The following GART variants were observed in gnomAD, a reference collection of about 807,000 sequenced individuals.
GART encodes phosphoribosylglycinamide formyltransferase, phosphoribosylglycinamide synthetase, phosphoribosylaminoimidazole synthetase, also known as trifunctional purine biosynthetic protein adenosine-3.
GART carries 43 observed loss-of-function variants against 107.2 expected under a neutral mutation model. The observed-to-expected ratio is 0.40, with a 90% confidence interval of 0.31 to 0.52. The LOEUF is 0.52. Among genes scored for constraint, GART ranks in the 20% least tolerant of loss-of-function variants. GART has a pLI of 0.52. For synonymous variants in GART, 434 were observed against 427.0 expected (o/e 1.02, Z -0.20); for missense variants, 1,107 against 1,206.5 (o/e 0.92, Z 1.22).
intron 7 of GART, 42 bp downstream of exon 7, chr21:33,530,717 A>C (rs991512031): frequency 2.9e-6 from 4 of 1,361,966 alleles, no homozygotes; most frequent in Non-Finnish European, 3.8e-6. Flanking sequence ...CTCTGAGAAA[A>C]CCAAACTACT....
chr21:33,525,115 G>C lies in GART; in HGVS notation c.1067-115C>G, dbSNP rs112038292. On this transcript the variant is annotated intron_variant, in intron 10 of 21. Transcript: ENST00000381815. ...TTTTTTTTTTAACTTGGCTAGGTGC[G>C]GTGGCTCATGCTTATAATTCCAGCA... The C allele has an allele frequency of 8.4e-6, 12 of 1,431,498 alleles. No individual in the cohort carries two copies. In the African/African-American group the frequency reaches 8.7e-5, roughly 10 times the overall value. 88.7% of individuals were successfully genotyped at this position (1,431,498 alleles called of 1,614,324 possible).
At chr21:33,526,122 G>A (rs912850737) in intron 10 of GART, among the ~76,000 whole-genome samples, 3 of 151,710 alleles carry the variant, frequency 2.0e-5, no homozygotes, top group Non-Finnish European at 4.4e-5. Context: ...GCCTGCCTGG[G>A]CCTCCCAAAG....
chr21:33,536,399 C>T (rs1019638670), intron 2 of GART, among the ~76,000 whole-genome samples: 3 of 152,158 alleles, frequency 2.0e-5, no homozygotes, highest in South Asian at 2.1e-4. Context: ...GACCACCATT[C>T]GTTAAGTCAG....
intron 4 of GART, among the ~76,000 whole-genome samples, chr21:33,533,280 A>T (rs2085231044): frequency 6.6e-6 from 1 of 151,774 alleles, no homozygotes; most frequent in Non-Finnish European, 1.5e-5. Flanking sequence ...TCTTCTAAAA[A>T]TACAAAAAAT....
Position 33,539,160 on chromosome 21 carries a change from A to G in GART, c.145+11T>C. 1 of 1,609,142 alleles carries G rather than the reference A, an allele frequency of 6.2e-7. No homozygotes were observed. The highest frequency in any genetic ancestry group is 8.5e-7 in the Non-Finnish European group (1 of 1,178,128). ...TAATAACTATTACTCCCCACTTTAA[A>G]ACATGATTACCGGTATTTGAAATCT... On this transcript the variant is annotated intron_variant, in intron 2 of 21. Transcript: ENST00000381815.
chr21:33,533,572 C>G (rs1472674205), intron 4 of GART, among the ~76,000 whole-genome samples: 1 of 151,830 alleles, frequency 6.6e-6, no homozygotes, highest in Non-Finnish European at 1.5e-5. Flanking sequence ...CAAAAAAAAT[C>G]AATGTTCTTT....
At chr21:33,541,133 GA>G (rs2085408130) in intron 1 of GART, among the ~76,000 whole-genome samples, 1 of 152,094 alleles carries the variant, frequency 6.6e-6, no homozygotes, top group African/African-American at 2.4e-5. Context: ...GAAATAAACA[GA>G]TTTTTTATTT....
chr21:33,531,350 A>T lies in GART; in HGVS notation c.597+139T>A, dbSNP rs141879376. ...TTTCATTTGCACCCCCAACAATAAA[A>T]GTATACAAATTCCTTTGTAACTGCT... On this transcript the variant is annotated intron_variant, in intron 6 of 21. Coordinates refer to ENST00000381815, the MANE Select transcript of GART (RefSeq NM_000819.5). 3.9e-5 allele frequency: 29 copies of T among 744,990 alleles called. No homozygotes were observed. The East Asian group carries it at 7.0e-4, about 18-fold the overall frequency. 46.1% of individuals were successfully genotyped at this position (744,990 alleles called of 1,614,324 possible).
intron 14 of GART, among the ~76,000 whole-genome samples, chr21:33,517,960 C>A (rs568720216): frequency 6.6e-6 from 1 of 152,148 alleles, no homozygotes; most frequent in Non-Finnish European, 1.5e-5. Flanking sequence ...ATAATCAGTC[C>A]ATTTTTCAGG....
At chr21:33,538,560 AC>A in intron 2 of GART, among the ~76,000 whole-genome samples, 1 of 152,236 alleles carries the variant, frequency 6.6e-6, no homozygotes, top group South Asian at 2.1e-4. Flanking sequence ...GCAATACTAA[AC>A]TTTCCATTTA....
intron 17 of GART, chr21:33,510,328 T>A (rs988978119): frequency 1.3e-5 from 2 of 155,022 alleles, no homozygotes; most frequent in African/African-American, 4.8e-5. Context: ...AAAAAGAGGG[T>A]CTCTCTTTTT....
chr21:33,518,807 A>T (rs1293747996), intron 14 of GART: 12 of 519,090 alleles, frequency 2.3e-5, no homozygotes, highest in Non-Finnish European at 4.5e-5. Context: ...CGGTCTCCTT[A>T]AACTAGTCAG....
chr21:33,517,757 G>A (rs1569018359), intron 14 of GART, 149 bp from the exon 15 acceptor site: 2 of 807,980 alleles, frequency 2.5e-6, no homozygotes, highest in African/African-American at 3.5e-5. Flanking sequence ...CTGTCTAACA[G>A]AACTTTCCAC....
chr21:33,538,299 AC>A (rs1423250058), intron 2 of GART, among the ~76,000 whole-genome samples: 1 of 151,844 alleles, frequency 6.6e-6, no homozygotes, highest in African/African-American at 2.4e-5. Context: ...TATTAGAGTA[AC>A]AACTGTTAAA....
rs754502637 is a variant in GART at position 33,534,656 on chromosome 21, A to G, written c.339T>C (p.Phe113=). The part of the protein sequence containing the change: ...LESSKRFAKE[F]MDRHGIPTAQ... ...CGGTTGGGATTCCATGTCTGTCCAT[A>G]AACTCTTTGGCAAACCTTTTGCTGG... The change falls in exon 4 of 22, where the codon TTT becomes TTC. Residue 113 remains phenylalanine (F), a synonymous_variant. Transcript: ENST00000381815. 1 of 1,614,098 alleles carries G rather than the reference A, an allele frequency of 6.2e-7. No homozygotes were observed. Among genetic ancestry groups the G allele is most frequent in the South Asian group, 1.1e-5 (1 of 91,070 alleles).
intron 16 of GART, 72 bp downstream of exon 16, chr21:33,516,917 C>G (rs895603756): frequency 7.6e-7 from 1 of 1,322,564 alleles, no homozygotes. Context: ...ATTAACTACC[C>G]ATAGTTTTCT....
intron 11 of GART, chr21:33,523,874 G>T: frequency 2.9e-6 from 1 of 343,678 alleles, no homozygotes; most frequent in Non-Finnish European, 4.1e-6. Flanking sequence ...GGCTGAGGAA[G>T]GGGAATCACT....
intron 7 of GART, among the ~76,000 whole-genome samples, chr21:33,529,399 C>T (rs1457103857): frequency 6.6e-6 from 1 of 151,642 alleles, no homozygotes; most frequent in Non-Finnish European, 1.5e-5. Flanking sequence ...AACCACTGTG[C>T]CTGGCCTACA....
intron 12 of GART, among the ~76,000 whole-genome samples, chr21:33,521,917 C>T (rs1601197806): frequency 2.8e-5 from 4 of 143,800 alleles, no homozygotes; most frequent in African/African-American, 1.0e-4. Flanking sequence ...CGAGATGGTG[C>T]CATTGCACTC....
Sources: gnomAD v4.1 joint callset for allele counts (sites outside exome capture counted in the v4.1 genomes callset) on GRCh38, gnomAD v4.1.1 for gene constraint, MANE v1.5 for transcripts, NCBI Gene and HGNC (gene_info 2026-07-23, HGNC 2026-07-21) for gene names.